Variants in PRMT7 observed in about 807,000 individuals in gnomAD.
The protein encoded by PRMT7 is protein arginine N-methyltransferase 7.
Under a neutral mutation model 85.4 loss-of-function variants are expected in PRMT7, and 75 were observed. The observed-to-expected ratio is 0.88, with a 90% CI of 0.73 to 1.06. The LOEUF (loss-of-function observed/expected upper bound fraction) is 1.06. PRMT7 is among the 50% of genes least tolerant of loss of function. PRMT7 has a pLI of 0.00. For missense variants in PRMT7, 868 were observed against 915.2 expected (o/e 0.95, Z 0.67); for synonymous variants, 397 against 359.5 (o/e 1.10, Z -1.18).
At chr16:68,320,205 A>G (rs2082334325) in intron 3 of PRMT7, among the ~76,000 whole-genome samples, 1 of 152,182 alleles carries the variant, frequency 6.6e-6, no homozygotes, top group Non-Finnish European at 1.5e-5. Flanking sequence ...CAAGATCAAG[A>G]TGCTAGTGGC....
At chr16:68,358,648 CTT>C (rs1196954358), downstream of PRMT7, 2 of 152,642 alleles carry the variant, frequency 1.3e-5, no homozygotes, top group African/African-American at 4.8e-5. Flanking sequence ...ATACTTAAAA[CTT>C]AAGGTGGTTT....
At chr16:68,339,015 C>T (rs1423230629) in intron 7 of PRMT7, among the ~76,000 whole-genome samples, 1 of 152,160 alleles carries the variant, frequency 6.6e-6, no homozygotes, top group Non-Finnish European at 1.5e-5. Flanking sequence ...TGAAGGGACA[C>T]TGAGCCCAGA....
chr16:68,322,897 G>A (rs1231407361), intron 4 of PRMT7, among the ~76,000 whole-genome samples: 2 of 152,028 alleles, frequency 1.3e-5, no homozygotes, highest in Non-Finnish European at 1.5e-5. Context: ...CGAGCGTGGT[G>A]GCGGGCAGGG....
Position 68,355,659 on chromosome 16 carries a change from G to T in PRMT7, c.1651-64G>T. On this transcript the variant is annotated intron_variant, in intron 16 of 18. Transcript: ENST00000441236. ...TGCAGTCAGTGGGAGCCAAGCCGGG[G>T]AGCGGTACCTCTGTCTAGCTGCCGG... is the stretch of plus-strand genomic sequence containing the variant. The T allele has an allele frequency of 2.1e-6, 3 of 1,414,220 alleles. No individual in the cohort carries two copies. In the South Asian group the frequency reaches 4.5e-5, roughly 21 times the overall value. The allele number at this position is 1,414,220 out of a possible 1,614,324, so 87.6% of individuals were successfully genotyped here. A position where few individuals can be genotyped will look rare whatever the true frequency, so the allele number is the denominator to read the frequency against.
intron 3 of PRMT7, among the ~76,000 whole-genome samples, chr16:68,318,014 G>A (rs2151382839): frequency 6.6e-6 from 1 of 152,068 alleles, no homozygotes; most frequent in South Asian, 2.1e-4. Context: ...ATGAGTTTAA[G>A]TCCAAGCTTT....
chr16:68,327,249 A>G (rs1364467947), intron 5 of PRMT7, among the ~76,000 whole-genome samples: 2 of 152,308 alleles, frequency 1.3e-5, no homozygotes, highest in East Asian at 3.9e-4. Context: ...CTTATCAGGA[A>G]CAGTCTCGGT....
At chr16:68,338,546 A>G (rs537957953) in intron 7 of PRMT7, among the ~76,000 whole-genome samples, 36 of 152,204 alleles carry the variant, frequency 2.4e-4, no homozygotes, top group African/African-American at 8.2e-4. Flanking sequence ...CGGACCAGGG[A>G]GTCCCCTTGT....
intron 12 of PRMT7, 124 bp downstream of exon 12, chr16:68,347,418 C>A: frequency 1.8e-6 from 2 of 1,129,314 alleles, no homozygotes; most frequent in Non-Finnish European, 2.5e-6. Context: ...GCACAGCATG[C>A]TCGGGTCAGG....
chr16:68,356,626 A>T, intron 17 of PRMT7, 75 bp from the exon 18 acceptor site: 1 of 1,157,498 alleles, frequency 8.6e-7, no homozygotes, highest in Admixed American at 2.0e-5. Context: ...GTTTCTGGAA[A>T]GCCGCAGGAG....
chr16:68,352,812 T>A (rs1205503766), intron 15 of PRMT7, among the ~76,000 whole-genome samples: 1 of 152,230 alleles, frequency 6.6e-6, no homozygotes, highest in African/African-American at 2.4e-5. Context: ...TTTAATTTTC[T>A]CATCAAAGCA....
chr16:68,353,238 G>A (rs1460463194), intron 15 of PRMT7, among the ~76,000 whole-genome samples: 1 of 152,182 alleles, frequency 6.6e-6, no homozygotes, highest in African/African-American at 2.4e-5. Flanking sequence ...GGAGTGTGCA[G>A]CCCCCAGCCT....
At chr16:68,326,011 A>G (rs1409068094) in intron 5 of PRMT7, among the ~76,000 whole-genome samples, 1 of 152,218 alleles carries the variant, frequency 6.6e-6, no homozygotes, top group Non-Finnish European at 1.5e-5. Flanking sequence ...GAGCAAGAAA[A>G]ATTAAAAACC....
intron 4 of PRMT7, among the ~76,000 whole-genome samples, chr16:68,322,046 C>T (rs1246407124): frequency 6.6e-6 from 1 of 151,682 alleles, no homozygotes; most frequent in Non-Finnish European, 1.5e-5. Flanking sequence ...CTCCCGAGTT[C>T]AAGCGATTCT....
At chr16:68,333,853 A>G (rs572301404) in intron 6 of PRMT7, among the ~76,000 whole-genome samples, 14 of 151,986 alleles carry the variant, frequency 9.2e-5, no homozygotes, top group East Asian at 3.9e-4. Context: ...GCTCACTGCA[A>G]CCTCCACCTC....
chr16:68,337,773 T>A (rs945086950), intron 7 of PRMT7, among the ~76,000 whole-genome samples: 28 of 152,110 alleles, frequency 1.8e-4, no homozygotes, highest in Non-Finnish European at 3.2e-4. Context: ...TAGGTTAGAG[T>A]TGAAAAGCAA....
intron 7 of PRMT7, among the ~76,000 whole-genome samples, chr16:68,337,843 C>T (rs2084928793): frequency 6.6e-6 from 1 of 152,230 alleles, no homozygotes; most frequent in Non-Finnish European, 1.5e-5. Context: ...GATGCTTGAG[C>T]TGTCAGTCTT....
intron 6 of PRMT7, among the ~76,000 whole-genome samples, chr16:68,336,054 G>A (rs1186236605): frequency 5.3e-5 from 8 of 152,198 alleles, no homozygotes; most frequent in South Asian, 2.1e-4. Context: ...TGGGATTACA[G>A]GCGGGAGCCA....
intron 6 of PRMT7, among the ~76,000 whole-genome samples, chr16:68,333,632 A>G (rs528669606): frequency 6.6e-6 from 1 of 152,130 alleles, no homozygotes; most frequent in African/African-American, 2.4e-5. Flanking sequence ...GAGATCATTT[A>G]TTCTTGAAAA....
At chr16:68,342,829 C>A (rs957104475) in intron 9 of PRMT7, among the ~76,000 whole-genome samples, 1 of 152,178 alleles carries the variant, frequency 6.6e-6, no homozygotes, top group Non-Finnish European at 1.5e-5. Flanking sequence ...GTGTGTCACT[C>A]TGAATTCACC....
Sources: gnomAD v4.1 joint callset for allele counts (sites outside exome capture counted in the v4.1 genomes callset) on GRCh38, gnomAD v4.1.1 for gene constraint, MANE v1.5 for transcripts, NCBI Gene and HGNC (gene_info 2026-07-23, HGNC 2026-07-21) for gene names.